ANO4: variants seen among roughly 807,000 people sequenced by gnomAD.
ANO4 encodes anoctamin 4.
ANO4 carries 69 observed loss-of-function variants against 141.9 expected under a neutral mutation model. The ratio of observed to expected loss-of-function variants is 0.49; its 90% CI spans 0.40 to 0.59. The LOEUF (loss-of-function observed/expected upper bound fraction) is 0.59, where lower values mean the gene tolerates loss of function less well. Among genes scored for constraint, ANO4 ranks in the 20% least tolerant of loss-of-function variants. The pLI, the probability that ANO4 is intolerant of heterozygous loss-of-function variation, is 0.00. For missense variants in ANO4, 894 were observed against 1,162.2 expected (o/e 0.77, Z 3.36); for synonymous variants, 350 against 394.3 (o/e 0.89, Z 1.33).
In ANO4 at chr12:101,068,876, A is replaced by G. The variant is rs1227448213; in HGVS notation, c.1313-10317A>G. 13 of 887,830 alleles carry G rather than the reference A, an allele frequency of 1.5e-5. No homozygotes were observed. The African/African-American group carries it at 1.9e-4, about 13-fold the overall frequency. The allele number at this position is 887,830 out of a possible 1,614,324, so 55.0% of individuals were successfully genotyped here. A position where few individuals can be genotyped will look rare whatever the true frequency, so the allele number is the denominator to read the frequency against. The stretch of plus-strand genomic sequence containing the variant: ...AAAGTAGAGGGTTGAATCTCATCAG[A>G]TGAAGATTTAAAGCTAACAGAGCTC... On this transcript the variant is annotated intron_variant, in intron 14 of 27. Transcript: ENST00000392977.
At chr12:100,868,310 G>A (rs2038861727) in intron 1 of ANO4, among the ~76,000 whole-genome samples, 1 of 152,136 alleles carries the variant, frequency 6.6e-6, no homozygotes, top group African/African-American at 2.4e-5. Context: ...CTTGGTGAGA[G>A]GCTAAAATCC....
chr12:101,031,535 C>T (rs894990333), intron 9 of ANO4, among the ~76,000 whole-genome samples: 1 of 152,076 alleles, frequency 6.6e-6, no homozygotes, highest in African/African-American at 2.4e-5. Flanking sequence ...ACAAGGATGC[C>T]CTCTCTCACC....
rs71091474 is a variant in ANO4, at chr12:100,979,895, C to CTTTTTT, written c.602+5019_602+5024dup. On this transcript the variant is annotated intron_variant, in intron 7 of 27. Transcript: ENST00000392977. ...GGCGCCCACCACCACGCCCAGCTGACTTTTTTTTTTTTTTTTTTGTATTTT... is the reference window on the plus strand; with the variant it reads ...GGCGCCCACCACCACGCCCAGCTGACTTTTTTTTTTTTTTTTTTTTTTTTGTATTTT... 8.2e-3 allele frequency among the ~76,000 whole-genome samples: 984 copies of CTTTTTT among 119,292 alleles called. 18 individuals carry two copies. The highest frequency in any genetic ancestry group is 0.024 in the African/African-American group (755 of 31,748). 78.3% of individuals were successfully genotyped at this position (119,292 alleles called of 152,430 possible).
At chr12:100,726,287 T>A (rs1444883986) in intron 1 of ANO4, among the ~76,000 whole-genome samples, 1 of 152,220 alleles carries the variant, frequency 6.6e-6, no homozygotes, top group East Asian at 1.9e-4. Flanking sequence ...TTGGGGCAGG[T>A]CTTTCTTAAA....
At chr12:100,777,269 CTTTTTTTTTTTTTT>C (rs71091463) in intron 3 of ANO4, among the ~76,000 whole-genome samples, 25 of 50,614 alleles carry the variant, frequency 4.9e-4, no homozygotes, top group Non-Finnish European at 7.7e-4. Context: ...ATTTTTGTAT[CTTTTTTTTTTTTTT>C]TTTTTTTTTT....
chr12:100,896,052 C>A (rs1170213666), intron 1 of ANO4, among the ~76,000 whole-genome samples: 1 of 151,878 alleles, frequency 6.6e-6, no homozygotes, highest in Non-Finnish European at 1.5e-5. Context: ...GCATAACATC[C>A]CCAAGGATGG....
At chr12:100,957,843 G>A (rs2043233476) in intron 5 of ANO4, among the ~76,000 whole-genome samples, 1 of 152,160 alleles carries the variant, frequency 6.6e-6, no homozygotes, top group Non-Finnish European at 1.5e-5. Context: ...ATTCTGTTGT[G>A]GCAACACAAA....
chr12:100,854,232 T>A (rs2038043785), intron 1 of ANO4, among the ~76,000 whole-genome samples: 1 of 152,202 alleles, frequency 6.6e-6, no homozygotes, highest in African/African-American at 2.4e-5. Flanking sequence ...TTTTCATCGC[T>A]TTCTGTCATC....
At chr12:100,819,165 A>G (rs115908443) in intron 1 of ANO4, among the ~76,000 whole-genome samples, 2,394 of 151,908 alleles carry the variant, frequency 0.016, 42 homozygotes, top group African/African-American at 0.043. Context: ...GTAATTTTCA[A>G]TGTCTTATAT....
chr12:101,021,402 C>G (rs780382344), intron 9 of ANO4, among the ~76,000 whole-genome samples: 2 of 152,180 alleles, frequency 1.3e-5, no homozygotes, highest in African/African-American at 4.8e-5. Context: ...AAGAGAAACC[C>G]CTTCCTCCTC....
intron 3 of ANO4, 71 bp downstream of exon 3, chr12:100,922,401 A>T (rs2041671975): frequency 9.8e-7 from 1 of 1,024,144 alleles, no homozygotes; most frequent in Non-Finnish European, 1.4e-6. Context: ...GGGGTAATAA[A>T]CTAGAAACCT....
chr12:101,048,075 T>A, intron 13 of ANO4: 1 of 1,189,262 alleles, frequency 8.4e-7, no homozygotes. Context: ...AGGGGATTCT[T>A]AGTAGCACTA....
At chr12:101,072,906 A>G (rs1354776698) in intron 14 of ANO4, among the ~76,000 whole-genome samples, 1 of 152,224 alleles carries the variant, frequency 6.6e-6, no homozygotes, top group African/African-American at 2.4e-5. Flanking sequence ...ACCAGTTAGA[A>G]TGGTGATCAT....
chr12:100,926,908 A>C (rs1019880850), intron 3 of ANO4, among the ~76,000 whole-genome samples: 3 of 152,090 alleles, frequency 2.0e-5, no homozygotes, highest in Non-Finnish European at 1.5e-5. Context: ...GGGAGACTGC[A>C]GGGGAGCCAC....
At chr12:101,049,538 G>A (rs1257424091) in intron 14 of ANO4, among the ~76,000 whole-genome samples, 1 of 151,346 alleles carries the variant, frequency 6.6e-6, no homozygotes, top group Admixed American at 6.6e-5. Flanking sequence ...TGGATGGATG[G>A]GTGGGTCAAT....
At chr12:100,955,982 A>G (rs2043159586) in intron 5 of ANO4, among the ~76,000 whole-genome samples, 1 of 152,182 alleles carries the variant, frequency 6.6e-6, no homozygotes, top group South Asian at 2.1e-4. Flanking sequence ...TGCCTGGCTC[A>G]TCATGTCATC....
At chr12:100,910,274 G>A (rs186509359) in intron 2 of ANO4, among the ~76,000 whole-genome samples, 1 of 152,250 alleles carries the variant, frequency 6.6e-6, no homozygotes, top group Admixed American at 6.5e-5. Flanking sequence ...TCAGAACCCT[G>A]AAAGTACCTA....
intron 5 of ANO4, among the ~76,000 whole-genome samples, chr12:100,970,448 C>A (rs548620717): frequency 1.2e-4 from 18 of 152,208 alleles, no homozygotes; most frequent in African/African-American, 4.3e-4. Context: ...GCCTTTGCAC[C>A]CAGAGCGCTC....
At chr12:101,089,824 G>C (rs78973197) in intron 17 of ANO4, among the ~76,000 whole-genome samples, 2 of 152,066 alleles carry the variant, frequency 1.3e-5, no homozygotes, top group East Asian at 3.9e-4. Flanking sequence ...TACAGAATGG[G>C]AGAAAATTTT....
Sources: allele counts gnomAD v4.1 joint callset (sites outside exome capture counted in the v4.1 genomes callset), GRCh38; gene constraint gnomAD v4.1.1; transcripts MANE v1.5; gene names NCBI Gene and HGNC (gene_info 2026-07-23, HGNC 2026-07-21).